The following XYLB variants were observed in gnomAD, a reference collection of about 807,000 sequenced individuals.
XYLB encodes the protein xylulose kinase.
Under a neutral mutation model 78.7 loss-of-function variants are expected in XYLB, and 62 were observed. The observed-to-expected ratio is 0.79, with a 90% CI of 0.64 to 0.97. The LOEUF is 0.97. Ranked by LOEUF, XYLB falls within the 50% of genes least tolerant of loss-of-function variation. The pLI is 0.00. For missense variants in XYLB, 687 were observed against 676.8 expected (o/e 1.02, Z -0.17); for synonymous variants, 245 against 247.4 (o/e 0.99, Z 0.09).
At chr3:38,347,809 A>G (rs1317720634) in intron 1 of XYLB, among the ~76,000 whole-genome samples, 1 of 152,254 alleles carries the variant, frequency 6.6e-6, no homozygotes, top group South Asian at 2.1e-4. Flanking sequence ...TGCTGCTGCC[A>G]ACGCCCTGCA....
chr3:38,363,339 T>C (rs1262761353), intron 4 of XYLB, among the ~76,000 whole-genome samples: 1 of 152,210 alleles, frequency 6.6e-6, no homozygotes, highest in African/African-American at 2.4e-5. Context: ...GGCACCACAA[T>C]TGCTTTTCTA....
chr3:38,365,855 C>T, intron 6 of XYLB, 119 bp downstream of exon 6: 2 of 1,408,706 alleles, frequency 1.4e-6, no homozygotes, highest in Non-Finnish European at 1.9e-6. Flanking sequence ...GAGCCAGCAA[C>T]AGGCACTCTG....
At position 38,406,377 on chromosome 3, in the gene XYLB, C is replaced by T. The variant is rs186390816; in HGVS notation, c.1533+5392C>T. ...AACAGAAAGACATCCGCACCAAAAA[C>T]CCATCTGTACATCACCATCATCAGA... On this transcript the variant is annotated intron_variant, in intron 18 of 18. Transcript: ENST00000207870. Among the ~76,000 whole-genome samples, 115 of 152,288 alleles carry T rather than the reference C, an allele frequency of 7.6e-4. 3 individuals carry two copies. The East Asian group carries it at 0.02, about 27-fold the overall frequency.
intron 2 of XYLB, chr3:38,355,922 C>T: frequency 1.6e-6 from 1 of 623,318 alleles, no homozygotes; most frequent in South Asian, 1.9e-5. Flanking sequence ...TTTTCCTTAA[C>T]TAATATAATT....
At chr3:38,378,385 G>C (rs189317438) in intron 14 of XYLB, among the ~76,000 whole-genome samples, 215 of 152,344 alleles carry the variant, frequency 1.4e-3, no homozygotes, top group African/African-American at 4.6e-3. Flanking sequence ...AGAGCCTGCT[G>C]TCTAGGAGGG....
chr3:38,365,874 G>T (rs984761847), intron 6 of XYLB, 138 bp downstream of exon 6: 51 of 1,342,030 alleles, frequency 3.8e-5, no homozygotes, highest in Non-Finnish European at 3.2e-5. Flanking sequence ...TGGCCCCTGG[G>T]TCCTGATCCA....
intron 18 of XYLB, among the ~76,000 whole-genome samples, chr3:38,402,166 C>T (rs905711952): frequency 5.3e-5 from 8 of 152,228 alleles, no homozygotes; most frequent in East Asian, 1.9e-4. Flanking sequence ...TAAATGATCC[C>T]GAGCATAGAA....
chr3:38,443,244 C>A, the XYLB span, among the ~76,000 whole-genome samples: 3 of 152,142 alleles, frequency 2.0e-5, no homozygotes, highest in African/African-American at 7.2e-5. Flanking sequence ...TTAAATGTAC[C>A]TGGGGCTCAG....
intron 2 of XYLB, among the ~76,000 whole-genome samples, chr3:38,350,967 C>A (rs1705324644): frequency 6.6e-6 from 1 of 151,456 alleles, no homozygotes; most frequent in Non-Finnish European, 1.5e-5. Context: ...CATGGTGAAA[C>A]CCTGTTTCTA....
rs115572724 is a variant in XYLB at position 38,405,197 on chromosome 3, T to A, written c.1533+4212T>A. 3.0e-3 allele frequency among the ~76,000 whole-genome samples: 456 copies of A among 152,234 alleles called. 3 individuals are homozygous for A. The highest frequency in any genetic ancestry group is 0.01 in the African/African-American group (433 of 41,530). ...TCTACATTACAAAATAAATATTTCA[T>A]TCTTAAAAATGTATGTGCATACCAT... On this transcript the variant is annotated intron_variant, in intron 18 of 18. Transcript: ENST00000207870.
At chr3:38,428,072 T>A in the XYLB span, among the ~76,000 whole-genome samples, 1 of 152,242 alleles carries the variant, frequency 6.6e-6, no homozygotes, top group Admixed American at 6.5e-5. Context: ...CTGATTTCCT[T>A]TGCTGTTTTT....
chr3:38,361,823 G>A (rs780863772), intron 3 of XYLB, among the ~76,000 whole-genome samples: 4 of 152,260 alleles, frequency 2.6e-5, no homozygotes, highest in Non-Finnish European at 4.4e-5. Flanking sequence ...GCCACAGCCA[G>A]GGCTGAAAGA....
intron 4 of XYLB, among the ~76,000 whole-genome samples, chr3:38,363,550 C>T (rs1458690151): frequency 1.3e-5 from 2 of 152,146 alleles, no homozygotes; most frequent in Non-Finnish European, 2.9e-5. Context: ...GCTTGGTACA[C>T]ACTCAGGGCA....
intron 2 of XYLB, among the ~76,000 whole-genome samples, chr3:38,349,802 G>A (rs1165798320): frequency 6.6e-6 from 1 of 152,164 alleles, no homozygotes; most frequent in Non-Finnish European, 1.5e-5. Flanking sequence ...TGGCTTGCAG[G>A]TGACCACTCT....
At chr3:38,348,479 CGTT>C (rs1705187263) in intron 1 of XYLB, 68 bp from the exon 2 acceptor site, 1 of 1,472,314 alleles carries the variant, frequency 6.8e-7, no homozygotes, top group Non-Finnish European at 9.5e-7. Flanking sequence ...CATCTGGTGA[CGTT>C]AGTACCCCCT....
intron 16 of XYLB, 36 bp from the exon 17 acceptor site, chr3:38,397,036 T>C: frequency 6.2e-7 from 1 of 1,605,420 alleles, no homozygotes; most frequent in Non-Finnish European, 8.5e-7. Flanking sequence ...CTCTGAGGAA[T>C]GGCTCACCAC....
intron 17 of XYLB, among the ~76,000 whole-genome samples, chr3:38,400,031 G>T (rs982917005): frequency 5.9e-5 from 9 of 152,140 alleles, no homozygotes; most frequent in Admixed American, 5.9e-4. Flanking sequence ...AGGAAAACTG[G>T]TCCTCACATC....
the XYLB span, among the ~76,000 whole-genome samples, chr3:38,443,531 G>T: frequency 6.6e-6 from 1 of 152,158 alleles, no homozygotes; most frequent in Non-Finnish European, 1.5e-5. Context: ...GGGTTTGTTT[G>T]TCTGAGGGCC....
downstream of XYLB, among the ~76,000 whole-genome samples, chr3:38,422,844 A>T (rs1015330040): frequency 6.6e-6 from 1 of 152,050 alleles, no homozygotes; most frequent in South Asian, 2.1e-4. Flanking sequence ...GTTCAAGCGG[A>T]AGGAAAAAAT....
Sources: gnomAD v4.1 joint callset for allele counts (sites outside exome capture counted in the v4.1 genomes callset) on GRCh38, gnomAD v4.1.1 for gene constraint, MANE v1.5 for transcripts, NCBI Gene and HGNC (gene_info 2026-07-23, HGNC 2026-07-21) for gene names.